DDX60: variants seen among roughly 807,000 people sequenced by gnomAD.
DDX60 encodes DExD/H-box helicase 60, also known as probable ATP-dependent RNA helicase DDX60.
A neutral mutation model predicts 212.8 loss-of-function variants in DDX60; 165 were observed. The observed-to-expected ratio is 0.78, with a 90% CI of 0.68 to 0.88. DDX60 has a LOEUF of 0.88. Among genes scored for constraint, DDX60 ranks in the 40% least tolerant of loss-of-function variants. The pLI, the probability that DDX60 is intolerant of heterozygous loss-of-function variation, is 0.00. For missense variants in DDX60, 1,905 were observed against 2,003.9 expected (o/e 0.95, Z 0.94); for synonymous variants, 703 against 685.3 (o/e 1.03, Z -0.40).
At chr4:168,287,940 G>T (rs1368339820) in intron 9 of DDX60, among the ~76,000 whole-genome samples, 1 of 151,988 alleles carries the variant, frequency 6.6e-6, no homozygotes, top group African/African-American at 2.4e-5. Flanking sequence ...TGCTGGACAC[G>T]CAAACATATA....
At chr4:168,317,927 T>G (rs1737471619) in intron 1 of DDX60, among the ~76,000 whole-genome samples, 1 of 152,162 alleles carries the variant, frequency 6.6e-6, no homozygotes, top group South Asian at 2.1e-4. Flanking sequence ...ACAACCTGAA[T>G]GAGCATCCAT....
chr4:168,268,056 A>G, intron 20 of DDX60, 73 bp from the exon 21 acceptor site: 1 of 1,312,588 alleles, frequency 7.6e-7, no homozygotes, highest in Non-Finnish European at 1.1e-6. Flanking sequence ...TAGTTTAAGT[A>G]AAGACAATTT....
At chr4:168,290,861 C>T (rs1308543304) in intron 8 of DDX60, among the ~76,000 whole-genome samples, 6 of 152,088 alleles carry the variant, frequency 3.9e-5, no homozygotes, top group Non-Finnish European at 5.9e-5. Flanking sequence ...CAGTGATTAC[C>T]ACAATGTACT....
intron 7 of DDX60, 82 bp downstream of exon 7, chr4:168,293,705 A>T: frequency 8.3e-7 from 1 of 1,204,764 alleles, no homozygotes; most frequent in Non-Finnish European, 1.2e-6. Context: ...AGTACCAAAT[A>T]GAGGAAATGA....
intron 35 of DDX60, 44 bp downstream of exon 35, chr4:168,224,199 C>T: frequency 6.2e-7 from 1 of 1,605,190 alleles, no homozygotes; most frequent in Non-Finnish European, 8.5e-7. Flanking sequence ...TAAATCCATT[C>T]TTTCTTAAAC....
At chr4:168,280,722 T>C in intron 13 of DDX60, 132 bp from the exon 14 acceptor site, 1 of 1,038,070 alleles carries the variant, frequency 9.6e-7, no homozygotes. Flanking sequence ...TGTGAAAAAT[T>C]TCTTTTTTTC....
intron 12 of DDX60, among the ~76,000 whole-genome samples, chr4:168,284,393 G>A (rs117950706): frequency 6.6e-6 from 1 of 152,288 alleles, no homozygotes; most frequent in East Asian, 1.9e-4. Flanking sequence ...TTGATCCACT[G>A]TTAGTGGTTT....
Position 168,268,118 on chromosome 4 carries a change from C to A in DDX60, c.2787-135G>T, listed in dbSNP as rs192427663. On this transcript the variant is annotated intron_variant, in intron 20 of 37. Coordinates refer to ENST00000393743, the MANE Select transcript of DDX60 (RefSeq NM_017631.6). ...GGAATAGACTCAGAAGCCAGACTAC[C>A]TGAAATTAAATCCCAACCTTCTTAG... The A allele has an allele frequency of 2.6e-3, 1,690 of 647,330 alleles. 30 individuals are homozygous for A. The highest frequency in any genetic ancestry group is 6.3e-4 in the Non-Finnish European group (258 of 407,920). The allele number at this position is 647,330 out of a possible 1,614,324, so 40.1% of individuals were successfully genotyped here.
chr4:168,274,563 G>C (rs1017127845), intron 16 of DDX60, among the ~76,000 whole-genome samples: 3 of 152,188 alleles, frequency 2.0e-5, no homozygotes, highest in Non-Finnish European at 4.4e-5. Context: ...TATGTAATAG[G>C]TAGAAGGTGG....
intron 33 of DDX60, among the ~76,000 whole-genome samples, chr4:168,227,210 G>A (rs937261339): frequency 6.9e-6 from 1 of 145,380 alleles, no homozygotes; most frequent in Non-Finnish European, 1.5e-5. Flanking sequence ...TTGTGGGAAT[G>A]TTTTTTTTTT....
At chr4:168,317,692 T>C (rs773927942) in intron 1 of DDX60, among the ~76,000 whole-genome samples, 1 of 152,296 alleles carries the variant, frequency 6.6e-6, no homozygotes, top group East Asian at 1.9e-4. Flanking sequence ...GGTTATATTA[T>C]GTAAGACTTC....
At chr4:168,243,082 T>C (rs1733906999) in intron 30 of DDX60, among the ~76,000 whole-genome samples, 1 of 152,200 alleles carries the variant, frequency 6.6e-6, no homozygotes, top group Non-Finnish European at 1.5e-5. Flanking sequence ...AAACATGACT[T>C]GCTCCTCCTT....
At chr4:168,299,439 T>C (rs1390174353) in intron 6 of DDX60, among the ~76,000 whole-genome samples, 1 of 150,038 alleles carries the variant, frequency 6.7e-6, no homozygotes, top group Non-Finnish European at 1.5e-5. Context: ...AACAACAACA[T>C]AAAAACCAAA....
chr4:168,231,948 T>A (rs914307055), intron 33 of DDX60, among the ~76,000 whole-genome samples: 1 of 151,994 alleles, frequency 6.6e-6, no homozygotes, highest in African/African-American at 2.4e-5. Flanking sequence ...ATGATATGAC[T>A]GAACACCTAG....
At chr4:168,298,687 A>T (rs1330837306) in intron 6 of DDX60, among the ~76,000 whole-genome samples, 2 of 152,182 alleles carry the variant, frequency 1.3e-5, no homozygotes, top group Non-Finnish European at 2.9e-5. Flanking sequence ...CAAAAAAATA[A>T]GTTAAGGGAT....
intron 30 of DDX60, among the ~76,000 whole-genome samples, chr4:168,240,196 A>C (rs958935980): frequency 2.0e-5 from 3 of 152,214 alleles, no homozygotes; most frequent in African/African-American, 7.2e-5. Flanking sequence ...CGGAGAGCCA[A>C]ATCACAAATG....
chr4:168,262,878 G>A, intron 22 of DDX60, 91 bp from the exon 23 acceptor site: 3 of 772,258 alleles, frequency 3.9e-6, no homozygotes, highest in Non-Finnish European at 5.9e-6. Flanking sequence ...CAAAGACACT[G>A]AAAGGCAATA....
At chr4:168,298,129 T>A (rs149773461) in intron 6 of DDX60, among the ~76,000 whole-genome samples, 1 of 151,826 alleles carries the variant, frequency 6.6e-6, no homozygotes, top group Non-Finnish European at 1.5e-5. Context: ...GTAATTACCA[T>A]AACGAAACAT....
At chr4:168,264,140 T>C (rs1310664468) in intron 22 of DDX60, among the ~76,000 whole-genome samples, 1 of 152,170 alleles carries the variant, frequency 6.6e-6, no homozygotes, top group South Asian at 2.1e-4. Context: ...CAGGAGAGTA[T>C]GAATCAGAAG....
Sources: gnomAD v4.1 joint callset for allele counts (sites outside exome capture counted in the v4.1 genomes callset) on GRCh38, gnomAD v4.1.1 for gene constraint, MANE v1.5 for transcripts, NCBI Gene and HGNC (gene_info 2026-07-23, HGNC 2026-07-21) for gene names.